Variants in CSMD1 observed in about 807,000 individuals in gnomAD.
CSMD1 encodes CUB and Sushi multiple domains 1, also known as CUB and sushi domain-containing protein 1.
A neutral mutation model predicts 417.5 loss-of-function variants in CSMD1; 213 were observed. That is an observed-to-expected ratio of 0.51 (90% CI 0.46 to 0.57). CSMD1 has a LOEUF of 0.57. Ranked by LOEUF, CSMD1 falls within the 20% of genes least tolerant of loss-of-function variation. The pLI is 0.00. For synonymous variants in CSMD1, 2,862 were observed against 1,736.8 expected (o/e 1.65, Z -16.11); for missense variants, 6,923 against 4,529.7 (o/e 1.53, Z -15.17).
chr8:4,373,378 A>G (rs570330334), intron 3 of CSMD1, among the ~76,000 whole-genome samples: 1 of 152,340 alleles, frequency 6.6e-6, no homozygotes, highest in Non-Finnish European at 1.5e-5. Context: ...ATTAACTGCA[A>G]CAAATGTGCC....
chr8:4,461,996 C>T (rs1181183478), intron 2 of CSMD1, among the ~76,000 whole-genome samples: 7 of 152,052 alleles, frequency 4.6e-5, no homozygotes, highest in Non-Finnish European at 1.0e-4. Flanking sequence ...CCACCTCGGC[C>T]TCCCAAATTG....
At chr8:3,052,802 A>G (rs1811952834) in intron 49 of CSMD1, among the ~76,000 whole-genome samples, 155 bp from the exon 50 acceptor site, 1 of 54,946 alleles carries the variant, frequency 1.8e-5, no homozygotes, top group African/African-American at 4.8e-5. Flanking sequence ...TTTTCTGGAG[A>G]CAAGAGTTTT....
chr8:3,986,313 G>A (rs1175885879), intron 5 of CSMD1, among the ~76,000 whole-genome samples: 1 of 152,116 alleles, frequency 6.6e-6, no homozygotes, highest in African/African-American at 2.4e-5. Flanking sequence ...AAAGCTCAGT[G>A]AAAACCCTTC....
At chr8:3,317,764 G>C (rs147671088) in intron 23 of CSMD1, among the ~76,000 whole-genome samples, 1 of 152,258 alleles carries the variant, frequency 6.6e-6, no homozygotes, top group Non-Finnish European at 1.5e-5. Context: ...TAAATTTTGT[G>C]TTTAGTAAAA....
At chr8:3,035,783 G>A (rs1298707159) in intron 50 of CSMD1, among the ~76,000 whole-genome samples, 1 of 152,142 alleles carries the variant, frequency 6.6e-6, no homozygotes, top group Non-Finnish European at 1.5e-5. Flanking sequence ...AAACATAAGG[G>A]TTTAGCTGGC....
At chr8:3,715,270 T>A (rs900716231) in intron 6 of CSMD1, among the ~76,000 whole-genome samples, 2 of 152,190 alleles carry the variant, frequency 1.3e-5, no homozygotes, top group Non-Finnish European at 2.9e-5. Flanking sequence ...TGCTAATTAT[T>A]GTTAACGTGT....
chr8:3,643,715 A>G (rs1288441456), intron 7 of CSMD1, among the ~76,000 whole-genome samples: 1 of 151,034 alleles, frequency 6.6e-6, no homozygotes, highest in Non-Finnish European at 1.5e-5. Flanking sequence ...AAAAAAAAAA[A>G]AAAAAAAGGA....
chr8:3,547,207 T>C (rs1370853400), intron 10 of CSMD1, among the ~76,000 whole-genome samples: 1 of 152,248 alleles, frequency 6.6e-6, no homozygotes, highest in Non-Finnish European at 1.5e-5. Flanking sequence ...GCCACATGGC[T>C]TTGACTTCGG....
At chr8:3,336,640 G>T (rs1807279257) in intron 23 of CSMD1, among the ~76,000 whole-genome samples, 1 of 152,192 alleles carries the variant, frequency 6.6e-6, no homozygotes, top group Admixed American at 6.5e-5. Flanking sequence ...CTGAGAGCAT[G>T]TACTTCATCA....
At chr8:4,050,621 C>T (rs543434174) in intron 3 of CSMD1, among the ~76,000 whole-genome samples, 1 of 151,978 alleles carries the variant, frequency 6.6e-6, no homozygotes, top group South Asian at 2.1e-4. Context: ...CAAGAGTCAT[C>T]CTGCGGTGCT....
intron 3 of CSMD1, among the ~76,000 whole-genome samples, chr8:4,401,936 C>G (rs1236837158): frequency 1.3e-5 from 2 of 152,222 alleles, no homozygotes; most frequent in East Asian, 3.9e-4. Flanking sequence ...CCATCCCACC[C>G]TGCTCTCCCG....
chr8:4,912,306 G>T (rs898254976), intron 1 of CSMD1, among the ~76,000 whole-genome samples: 1 of 151,506 alleles, frequency 6.6e-6, no homozygotes, highest in African/African-American at 2.4e-5. Flanking sequence ...GACAGAAACA[G>T]AATCTAATAA....
chr8:3,080,308 T>C (rs891255389), intron 49 of CSMD1, among the ~76,000 whole-genome samples: 1 of 152,176 alleles, frequency 6.6e-6, no homozygotes, highest in Non-Finnish European at 1.5e-5. Context: ...GTGCTGATAA[T>C]GGAAACAGCT....
chr8:3,207,038 G>A (rs1797333182), intron 30 of CSMD1, among the ~76,000 whole-genome samples: 1 of 151,772 alleles, frequency 6.6e-6, no homozygotes, highest in Non-Finnish European at 1.5e-5. Context: ...TTCCTATCTT[G>A]GATATACCGC....
chr8:4,502,816 G>C (rs1040669173), intron 2 of CSMD1, among the ~76,000 whole-genome samples: 2 of 152,086 alleles, frequency 1.3e-5, no homozygotes, highest in African/African-American at 4.8e-5. Flanking sequence ...TAAATCCCCA[G>C]TGTGTATGAC....
chr8:4,324,401 G>A (rs1009708352), intron 3 of CSMD1, among the ~76,000 whole-genome samples: 1 of 152,188 alleles, frequency 6.6e-6, no homozygotes, highest in Admixed American at 6.5e-5. Flanking sequence ...GCAAGGAGGG[G>A]TTCCTCACCC....
chr8:3,296,072 G>A (rs558407147), intron 25 of CSMD1, among the ~76,000 whole-genome samples: 1 of 152,004 alleles, frequency 6.6e-6, no homozygotes, highest in Admixed American at 6.6e-5. Context: ...TGAAGAATAT[G>A]GAATGTTAGT....
At chr8:4,358,719 T>C in intron 3 of CSMD1, among the ~76,000 whole-genome samples, 1 of 152,156 alleles carries the variant, frequency 6.6e-6, no homozygotes, top group South Asian at 2.1e-4. Context: ...AGCTTAATCA[T>C]TAAAATATCT....
At chr8:3,146,679 TC>T (rs1455034570) in intron 40 of CSMD1, among the ~76,000 whole-genome samples, 1 of 152,122 alleles carries the variant, frequency 6.6e-6, no homozygotes, top group Non-Finnish European at 1.5e-5. Flanking sequence ...TGGGTCACTG[TC>T]CCGCAGTAGG....
Sources: allele counts gnomAD v4.1 joint callset (sites outside exome capture counted in the v4.1 genomes callset), GRCh38; gene constraint gnomAD v4.1.1; transcripts MANE v1.5; gene names NCBI Gene and HGNC (gene_info 2026-07-23, HGNC 2026-07-21).